The following CELF2 variants were observed in gnomAD, a reference collection of about 807,000 sequenced individuals.
The protein encoded by CELF2 is CUGBP Elav-like family member 2, also known as CUG triplet repeat RNA-binding protein 2.
A neutral mutation model predicts 62.6 loss-of-function variants in CELF2; 8 were observed. That is an observed-to-expected ratio of 0.13 (90% confidence interval 0.07 to 0.23). The LOEUF (loss-of-function observed/expected upper bound fraction) is 0.23, where lower values mean the gene tolerates loss of function less well. Among genes scored for constraint, CELF2 ranks in the 10% least tolerant of loss-of-function variants. The pLI, the probability that CELF2 is intolerant of heterozygous loss-of-function variation, is 1.00. For missense variants in CELF2, 333 were observed against 671.0 expected, an observed-to-expected ratio of 0.50 and a Z score of 5.56; for synonymous variants, 258 against 250.0, an observed-to-expected ratio of 1.03 and a Z score of -0.30.
At chr10:11,087,588 C>T (rs975789401) in intron 1 of CELF2, among the ~76,000 whole-genome samples, 1 of 152,186 alleles carries the variant, frequency 6.6e-6, no homozygotes, top group African/African-American at 2.4e-5. Flanking sequence ...AATGCCAGTG[C>T]ATTAAAGCAA....
chr10:10,535,695 G>A, the CELF2 span, among the ~76,000 whole-genome samples: 2 of 152,068 alleles, frequency 1.3e-5, no homozygotes, highest in Non-Finnish European at 2.9e-5. Context: ...CTCCAGCCTG[G>A]GCGACAGAGT....
intron 1 of CELF2, among the ~76,000 whole-genome samples, chr10:11,087,530 T>C (rs1374270838): frequency 1.3e-5 from 2 of 152,248 alleles, no homozygotes; most frequent in African/African-American, 4.8e-5. Flanking sequence ...AACATGGCAC[T>C]GTTATCGCAC....
the CELF2 span, among the ~76,000 whole-genome samples, chr10:10,604,941 G>C: frequency 6.6e-6 from 1 of 152,266 alleles, no homozygotes; most frequent in African/African-American, 2.4e-5. Context: ...AAAGGAACGT[G>C]AATCATTCTA....
chr10:10,859,572 G>A lies in CELF2; in HGVS notation c.54-60392G>A, dbSNP rs534855568. Among the ~76,000 whole-genome samples, 64 of 152,218 alleles carry A rather than the reference G, an allele frequency of 4.2e-4. 1 individual carries two copies. In the South Asian group the frequency reaches 0.012, roughly 30 times the overall value. ...TTAATAGTATTTCACATAGAAAAAT[G>A]TTTTCCTGTTGATCTGTCATCCTAT... On this transcript the variant is annotated intron_variant, in intron 1 of 13. Transcript: ENST00000636488.
chr10:10,655,242 A>G, the CELF2 span, among the ~76,000 whole-genome samples: 2 of 142,270 alleles, frequency 1.4e-5, 1 homozygote. Flanking sequence ...ATGGAAGAAC[A>G]TTCCATGCTC....
intron 1 of CELF2, among the ~76,000 whole-genome samples, chr10:10,810,539 A>G (rs1422751500): frequency 6.6e-6 from 1 of 152,084 alleles, no homozygotes; most frequent in Non-Finnish European, 1.5e-5. Context: ...TCAGTAATTG[A>G]GTGGCTGGAA....
chr10:11,251,157 T>A (rs2077009734), intron 4 of CELF2, among the ~76,000 whole-genome samples: 1 of 151,640 alleles, frequency 6.6e-6, no homozygotes, highest in Non-Finnish European at 1.5e-5. Context: ...TGAAAGTCTA[T>A]GGAAAAGGGT....
the CELF2 span, among the ~76,000 whole-genome samples, chr10:10,495,108 C>G: frequency 6.9e-6 from 1 of 144,692 alleles, no homozygotes; most frequent in Non-Finnish European, 1.5e-5. Context: ...AACCCCGTCT[C>G]TACTAAAAAA....
At chr10:11,179,262 G>A (rs1588435772) in intron 2 of CELF2, among the ~76,000 whole-genome samples, 1 of 148,558 alleles carries the variant, frequency 6.7e-6, no homozygotes, top group Admixed American at 6.9e-5. Context: ...ATAAAAATAG[G>A]CACGTAATAC....
intron 1 of CELF2, among the ~76,000 whole-genome samples, chr10:11,137,792 A>T (rs892956500): frequency 6.0e-5 from 8 of 133,710 alleles, no homozygotes; most frequent in Admixed American, 5.8e-4. Context: ...GATCTCAGCA[A>T]TTGTGTAAAC....
chr10:10,519,993 T>A, the CELF2 span, among the ~76,000 whole-genome samples: 1 of 152,164 alleles, frequency 6.6e-6, no homozygotes, highest in Admixed American at 6.5e-5. Context: ...GCCTCCCTTA[T>A]TGCCAGCCAG....
intron 1 of CELF2, among the ~76,000 whole-genome samples, chr10:10,855,944 C>A (rs1041012228): frequency 2.0e-5 from 3 of 152,048 alleles, no homozygotes; most frequent in Non-Finnish European, 4.4e-5. Flanking sequence ...AAATAAAAAG[C>A]AAGAAAGGCG....
chr10:10,912,479 C>T (rs2063900404), intron 1 of CELF2, among the ~76,000 whole-genome samples: 1 of 152,150 alleles, frequency 6.6e-6, no homozygotes, highest in Non-Finnish European at 1.5e-5. Context: ...AAGCGATTCT[C>T]CTGCCTCAGC....
At chr10:11,144,155 C>T (rs1339134763) in intron 1 of CELF2, among the ~76,000 whole-genome samples, 2 of 152,022 alleles carry the variant, frequency 1.3e-5, no homozygotes, top group Non-Finnish European at 2.9e-5. Flanking sequence ...CAGTAATTGC[C>T]TTCGGAAGAC....
At chr10:10,939,166 A>T (rs1328569629) in intron 2 of CELF2, among the ~76,000 whole-genome samples, 3 of 91,282 alleles carry the variant, frequency 3.3e-5, no homozygotes, top group African/African-American at 1.0e-4. Context: ...TTGTAACCCC[A>T]TCACCTAGGC....
chr10:10,884,377 T>C (rs1249601938), intron 1 of CELF2, among the ~76,000 whole-genome samples: 1 of 152,166 alleles, frequency 6.6e-6, no homozygotes, highest in Non-Finnish European at 1.5e-5. Context: ...TGTGTGATGT[T>C]TCCCACCCCA....
Position 11,102,999 on chromosome 10 carries a change from C to T in CELF2, c.75-62487C>T, listed in dbSNP as rs149876830. Among the ~76,000 whole-genome samples, 326 of 152,288 alleles carry T rather than the reference C, an allele frequency of 2.1e-3. 4 individuals carry two copies. The highest frequency in any genetic ancestry group is 7.2e-3 in the African/African-American group (298 of 41,560). On this transcript the variant is annotated intron_variant, in intron 1 of 12. Coordinates refer to ENST00000633077, the MANE Select transcript of CELF2 (RefSeq NM_001326342.2). The stretch of plus-strand genomic sequence containing the variant: ...ACAAAAGTTACTGATGTTTCTAAAA[C>T]CTGAGTCTCATCTTGTTACTCCCTA...
the CELF2 span, among the ~76,000 whole-genome samples, chr10:10,556,547 C>G: frequency 6.6e-6 from 1 of 152,114 alleles, no homozygotes; most frequent in South Asian, 2.1e-4. Flanking sequence ...GGTATATACC[C>G]AGTAATGGGA....
intron 1 of CELF2, among the ~76,000 whole-genome samples, chr10:11,141,387 G>A (rs1039414139): frequency 2.0e-5 from 3 of 152,232 alleles, no homozygotes; most frequent in Non-Finnish European, 2.9e-5. Flanking sequence ...GCAGAGACTC[G>A]GAGGGGTAGG....
Sources: gnomAD v4.1 joint callset for allele counts (sites outside exome capture counted in the v4.1 genomes callset) on GRCh38, gnomAD v4.1.1 for gene constraint, MANE v1.5 for transcripts, NCBI Gene and HGNC (gene_info 2026-07-23, HGNC 2026-07-21) for gene names.